Variants in ADGRB2 observed in about 807,000 individuals in gnomAD.
The protein encoded by ADGRB2 is brain-specific angiogenesis inhibitor 2.
ADGRB2 carries 47 observed loss-of-function variants against 178.7 expected under a neutral mutation model. The ratio of observed to expected loss-of-function variants is 0.26; its 90% CI spans 0.21 to 0.34. The LOEUF (loss-of-function observed/expected upper bound fraction) is 0.34. Among genes scored for constraint, ADGRB2 ranks in the 10% least tolerant of loss-of-function variants. The pLI, the probability that ADGRB2 is intolerant of heterozygous loss-of-function variation, is 1.00. For synonymous variants in ADGRB2, 870 were observed against 912.4 expected, an observed-to-expected ratio of 0.95 and a Z score of 0.84; for missense variants, 1,584 against 2,180.8, an observed-to-expected ratio of 0.73 and a Z score of 5.45.
Position 31,764,160 on chromosome 1 carries a change from C to A in ADGRB2, c.-467G>T. The A allele has an allele frequency of 1.6e-6, 1 of 638,384 alleles. No individual in the cohort carries two copies. Among genetic ancestry groups the A allele is most frequent in the Non-Finnish European group, 1.9e-6 (1 of 517,034 alleles). The allele number at this position is 638,384 out of a possible 1,614,324, so 39.5% of individuals were successfully genotyped here. A position where few individuals can be genotyped will look rare whatever the true frequency, so the allele number is the denominator to read the frequency against. Reference sequence around the variant, plus strand: ...CCGCGCCGCCCCCCGCTCCCCCGCTCCCCCGCCCCGAGCACCGCCCGCGCC... The same window carrying A: ...CCGCGCCGCCCCCCGCTCCCCCGCTACCCCGCCCCGAGCACCGCCCGCGCC... On this transcript the variant is annotated 5_prime_UTR_variant, in exon 1 of 33. Coordinates refer to ENST00000373658, the MANE Select transcript of ADGRB2 (RefSeq NM_001364857.2). This position sits in a 1 kb window ranked among gnomAD's most constrained non-coding sequence, Gnocchi z 7.3.
In ADGRB2 at chr1:31,728,408, G is replaced by T. The variant is rs1051280284; in HGVS notation, c.4417-128C>A. The T allele has an allele frequency of 1.6e-6, 2 of 1,265,596 alleles. No individual in the cohort carries two copies. The highest frequency in any genetic ancestry group is 1.5e-5 in the African/African-American group (1 of 68,238). 78.4% of individuals were successfully genotyped at this position (1,265,596 alleles called of 1,614,324 possible). Reference sequence around the variant, plus strand: ...GCCAGCCCCTCTGGGACAAGACCTAGTTCTCTCTTCACGTTGGTGCTATGG... The same window carrying T: ...GCCAGCCCCTCTGGGACAAGACCTATTTCTCTCTTCACGTTGGTGCTATGG... On this transcript the variant is annotated intron_variant, in intron 30 of 32. Transcript: ENST00000373658. This position sits in a 1 kb window ranked among gnomAD's most constrained non-coding sequence, Gnocchi z 6.7.
Position 31,738,331 on chromosome 1 carries a change from G to C in ADGRB2, c.2646-5C>G, listed in dbSNP as rs370048975. ...CAGTCTCCTGAGCTGGCATCTCTTG[G>C]GTAGGGGAGAGATTCAGTGAGCCCC... is the stretch of plus-strand genomic sequence containing the variant. On this transcript the variant is annotated splice_polypyrimidine_tract_variant and splice_region_variant and intron_variant, in intron 17 of 32. Transcript: ENST00000373658. 1 of 1,609,944 alleles carries C rather than the reference G, an allele frequency of 6.2e-7. No individual in the cohort carries two copies. Among genetic ancestry groups the C allele is most frequent in the African/African-American group, 1.4e-5 (1 of 71,494 alleles).
rs1470702990 is a variant in ADGRB2, at chr1:31,735,577, T to C, written c.3353+3A>G. ...GGCCAAGTCTCAGAGGCCCCCCCCT[T>C]ACCCGGCCCTCTGCTTCTTGGATTT... On this transcript the variant is annotated splice_donor_region_variant and intron_variant, in intron 24 of 32. Coordinates refer to ENST00000373658, the MANE Select transcript of ADGRB2 (RefSeq NM_001364857.2). The surrounding 1 kb of genome is among the most constrained non-coding windows in gnomAD (Gnocchi z 6.0). 6.2e-7 allele frequency: 1 copy of C among 1,613,510 alleles called. No homozygotes were observed. The highest frequency in any genetic ancestry group is 8.5e-7 in the Non-Finnish European group (1 of 1,179,648).
chr1:31,736,806 G>A, intron 20 of ADGRB2, 83 bp from the exon 21 acceptor site: 1 of 1,513,708 alleles, frequency 6.6e-7, no homozygotes, highest in Non-Finnish European at 8.8e-7. Flanking sequence ...CCGCTGCTGG[G>A]CGCTGCCACA....
Position 31,728,609 on chromosome 1 carries a change from G to C in ADGRB2, c.4405C>G (p.Leu1469Val). The change falls in exon 30 of 33, where the codon CTG becomes GTG. Residue 1469 changes from leucine (L) to valine (V), a missense_variant. This residue lies in a region of ADGRB2 where 865 missense variants were observed against 1,192.8 expected (regional missense o/e 0.73). Transcript: ENST00000373658. This position sits in a 1 kb window ranked among gnomAD's most constrained non-coding sequence, Gnocchi z 6.7. ...LERKKLRYSD[L>V]DFEKVMHTRK... is the part of the protein sequence containing the mutation. ...CACATGGCCCTTACCTCAAAGTCCA[G>C]GTCTGAATACCGTAATTTCTTTCGC... The C allele has an allele frequency of 6.2e-7, 1 of 1,614,072 alleles. No homozygotes were observed. Among genetic ancestry groups the C allele is most frequent in the Non-Finnish European group, 8.5e-7 (1 of 1,180,000 alleles).
chr1:31,747,777 C>T (rs374398580), intron 4 of ADGRB2, among the ~76,000 whole-genome samples: 5 of 152,230 alleles, frequency 3.3e-5, no homozygotes, highest in Admixed American at 2.6e-4. Flanking sequence ...GCTTCCCCCA[C>T]AATGGGGCTC....
rs200329788 is a variant in ADGRB2, at chr1:31,727,619, G to A, written c.4573-14C>T. On this transcript the variant is annotated splice_polypyrimidine_tract_variant and intron_variant, in intron 32 of 32. Coordinates refer to ENST00000373658, the MANE Select transcript of ADGRB2 (RefSeq NM_001364857.2). The surrounding 1 kb of genome is among the most constrained non-coding windows in gnomAD (Gnocchi z 4.4). ...GCTGGGCTTATCCTGTGGAGGGAGC[G>A]GGAGGGGCCGTGGAGATGGGCCAAT... The A allele has an allele frequency of 1.8e-4, 277 of 1,498,942 alleles. 1 individual carries two copies. The highest frequency in any genetic ancestry group is 1.1e-4 in the Non-Finnish European group (126 of 1,130,494). The allele number at this position is 1,498,942 out of a possible 1,614,324, so 92.9% of individuals were successfully genotyped here.
At chr1:31,752,597 C>A (rs1464599700) in intron 4 of ADGRB2, among the ~76,000 whole-genome samples, 1 of 152,174 alleles carries the variant, frequency 6.6e-6, no homozygotes, top group African/African-American at 2.4e-5. Context: ...TAGAAGGATG[C>A]AGGAGTTCTG....
rs145885447 is a variant in ADGRB2, at chr1:31,753,406, C to T, written c.838+2593G>A. The stretch of plus-strand genomic sequence containing the variant: ...ACTCGGCTCTGAGGCGTCCCAGGCA[C>T]TCCGCCAGTCACTGCCCACCAGCCC... On this transcript the variant is annotated intron_variant, in intron 4 of 32. Transcript: ENST00000373658. This position sits in a 1 kb window ranked among gnomAD's most constrained non-coding sequence, Gnocchi z 4.1. Among the ~76,000 whole-genome samples the T allele has an allele frequency of 7.2e-4, 109 of 152,364 alleles. No homozygotes were observed. The highest frequency in any genetic ancestry group is 2.5e-3 in the African/African-American group (106 of 41,588).
chr1:31,729,679 C>T (rs903366658), intron 29 of ADGRB2, among the ~76,000 whole-genome samples: 4 of 152,212 alleles, frequency 2.6e-5, no homozygotes, highest in Non-Finnish European at 5.9e-5. Context: ...TGCCCACGCC[C>T]GAATTCTGGA....
In ADGRB2 at chr1:31,738,266, A is replaced by G. The variant is rs761795916; in HGVS notation, c.2706T>C (p.Ala902=). The part of the protein sequence containing the change: ...ENCQTLETQA[A]HTRCQCQHLS... ...GGTGCTGGCACTGGCAGCGGGTGTG[A>G]GCTGCCTGGGTCTCCAGGGTCTGGC... Residue 902 remains alanine, a synonymous_variant, in exon 18 of 33, where the codon GCT becomes GCC. Coordinates refer to ENST00000373658, the MANE Select transcript of ADGRB2 (RefSeq NM_001364857.2). The G allele has an allele frequency of 1.2e-6, 2 of 1,613,994 alleles. No homozygotes were observed. The highest frequency in any genetic ancestry group is 1.7e-6 in the Non-Finnish European group (2 of 1,179,968).
In ADGRB2 at chr1:31,764,150, CT is replaced by C. The variant is rs1647134431; in HGVS notation, c.-458del. On this transcript the variant is annotated 5_prime_UTR_variant, in exon 1 of 33. Coordinates refer to ENST00000373658, the MANE Select transcript of ADGRB2 (RefSeq NM_001364857.2). The surrounding 1 kb of genome is among the most constrained non-coding windows in gnomAD (Gnocchi z 7.3). ...CGCCTCCTTGCCGCGCCGCCCCCCG[CT>C]CCCCCGCTCCCCCGCCCCGAGCACC... 1 of 644,088 alleles carries C rather than the reference CT, an allele frequency of 1.6e-6. No individual in the cohort carries two copies. Among genetic ancestry groups the C allele is most frequent in the South Asian group, 6.6e-5 (1 of 15,184 alleles). 39.9% of individuals were successfully genotyped at this position (644,088 alleles called of 1,614,324 possible).
rs894291134 is a variant in ADGRB2, at chr1:31,740,881, G to A, written c.1795-340C>T. On this transcript the variant is annotated intron_variant, in intron 11 of 32. Transcript: ENST00000373658. The surrounding 1 kb of genome is among the most constrained non-coding windows in gnomAD (Gnocchi z 5.9). ...ACATTCTGGAGTGTAATGAGCATGT[G>A]TGTGGGCGCGCGCGCACACACACAC... 7.0e-5 allele frequency among the ~76,000 whole-genome samples: 9 copies of A among 127,984 alleles called. No individual in the cohort carries two copies. The highest frequency in any genetic ancestry group is 2.7e-4 in the African/African-American group (9 of 33,902). The allele number at this position is 127,984 out of a possible 152,430, so 84.0% of individuals were successfully genotyped here.
rs1032823592 is a variant in ADGRB2, at chr1:31,727,637, G to A, written c.4573-32C>T. 16 of 1,466,612 alleles carry A rather than the reference G, an allele frequency of 1.1e-5. No homozygotes were observed. The highest frequency in any genetic ancestry group is 1.4e-5 in the Non-Finnish European group (16 of 1,113,988). 90.8% of individuals were successfully genotyped at this position (1,466,612 alleles called of 1,614,324 possible). On this transcript the variant is annotated intron_variant, in intron 32 of 32. Coordinates refer to ENST00000373658, the MANE Select transcript of ADGRB2 (RefSeq NM_001364857.2). This position sits in a 1 kb window ranked among gnomAD's most constrained non-coding sequence, Gnocchi z 4.4. ...AGGGAGCGGGAGGGGCCGTGGAGATGGGCCAATATCCTTACCCATTGTACA... is the reference window on the plus strand; with the variant it reads ...AGGGAGCGGGAGGGGCCGTGGAGATAGGCCAATATCCTTACCCATTGTACA...
chr1:31,735,766 G>A lies in ADGRB2; in HGVS notation c.3267+61C>T. ...AGCTGGAGCGCAGGGAGGAGGTAGA[G>A]GGAGAAACAGGATGACCCTCTGGGG... On this transcript the variant is annotated intron_variant, in intron 23 of 32. Coordinates refer to ENST00000373658, the MANE Select transcript of ADGRB2 (RefSeq NM_001364857.2). This position sits in a 1 kb window ranked among gnomAD's most constrained non-coding sequence, Gnocchi z 6.0. 1.3e-6 allele frequency: 2 copies of A among 1,590,178 alleles called. No individual in the cohort carries two copies. Among genetic ancestry groups the A allele is most frequent in the Non-Finnish European group, 1.7e-6 (2 of 1,165,214 alleles).
In ADGRB2 at chr1:31,759,346, A is replaced by C; in HGVS notation, c.-190-1835T>G. The stretch of plus-strand genomic sequence containing the variant: ...ATGAGTATCTGGCCCTCTGAGGCTC[A>C]GCATATGACAGCTAAGTGTCAGGCA... On this transcript the variant is annotated intron_variant, in intron 1 of 32. Coordinates refer to ENST00000373658, the MANE Select transcript of ADGRB2 (RefSeq NM_001364857.2). This position sits in a 1 kb window ranked among gnomAD's most constrained non-coding sequence, Gnocchi z 4.3. 1 of 779,732 alleles carries C rather than the reference A, an allele frequency of 1.3e-6. No individual in the cohort carries two copies. Among genetic ancestry groups the C allele is most frequent in the Non-Finnish European group, 2.4e-6 (1 of 417,958 alleles). 48.3% of individuals were successfully genotyped at this position (779,732 alleles called of 1,614,324 possible).
rs1255978255 is a variant in ADGRB2, at chr1:31,741,484, A to G, written c.1688-5T>C. 1 of 1,585,986 alleles carries G rather than the reference A, an allele frequency of 6.3e-7. No homozygotes were observed. The highest frequency in any genetic ancestry group is 1.3e-5 in the African/African-American group (1 of 74,702). On this transcript the variant is annotated splice_region_variant and splice_polypyrimidine_tract_variant and intron_variant, in intron 10 of 32. Transcript: ENST00000373658. The surrounding 1 kb of genome is among the most constrained non-coding windows in gnomAD (Gnocchi z 6.5). ...GACAGCGGCGGCTGGCAGACCCTGC[A>G]GGGCAATAGGACAGAGGTCTGGGCA...
chr1:31,764,098 G>T lies in ADGRB2; in HGVS notation c.-405C>A. On this transcript the variant is annotated 5_prime_UTR_variant, in exon 1 of 33. Coordinates refer to ENST00000373658, the MANE Select transcript of ADGRB2 (RefSeq NM_001364857.2). This position sits in a 1 kb window ranked among gnomAD's most constrained non-coding sequence, Gnocchi z 7.3. ...GCGGGCGGGCGGCGCCGGGCCGGGC[G>T]CGGGCTCCTGCCGCCGCCGCCGCCG... is the stretch of plus-strand genomic sequence containing the variant. 1.0e-6 allele frequency: 1 copy of T among 964,926 alleles called. No individual in the cohort carries two copies. The highest frequency in any genetic ancestry group is 1.2e-6 in the Non-Finnish European group (1 of 814,804). The allele number at this position is 964,926 out of a possible 1,614,324, so 59.8% of individuals were successfully genotyped here.
In ADGRB2 at chr1:31,742,183, G is replaced by T. The variant is rs368613171; in HGVS notation, c.1287C>A (p.Gly429=). The T allele has an allele frequency of 1.2e-6, 2 of 1,611,484 alleles. No homozygotes were observed. Among genetic ancestry groups the T allele is most frequent in the Non-Finnish European group, 1.7e-6 (2 of 1,178,908 alleles). ...CATTGGCACAGGACGTGGAGCATGG[G>T]CCCCAGGGACCCCATTCTAACCACT... is the stretch of plus-strand genomic sequence containing the variant. ...EGQWLEWGPW[G]PCSTSCANGT... is the part of the protein sequence containing the mutation. The change falls in exon 8 of 33, where the codon GGC becomes GGA. Residue 429 remains glycine, a synonymous_variant. Coordinates refer to ENST00000373658, the MANE Select transcript of ADGRB2 (RefSeq NM_001364857.2).
Sources: allele counts gnomAD v4.1 joint callset (sites outside exome capture counted in the v4.1 genomes callset), GRCh38; gene constraint gnomAD v4.1.1; regional missense constraint gnomAD v4.1.1; non-coding constraint Gnocchi (gnomAD v3.1); transcripts MANE v1.5; gene names NCBI Gene and HGNC (gene_info 2026-07-23, HGNC 2026-07-21).